The following SEPTIN7 variants were observed in gnomAD, a reference collection of about 807,000 sequenced individuals.
SEPTIN7 encodes the protein septin-7.
In SEPTIN7, 10 loss-of-function variants were observed where a neutral mutation model predicts 63.3. The ratio of observed to expected loss-of-function variants is 0.16; its 90% confidence interval spans 0.10 to 0.27. SEPTIN7 has a LOEUF of 0.27. SEPTIN7 is among the 10% of genes least tolerant of loss of function. SEPTIN7 has a pLI of 1.00. For synonymous variants in SEPTIN7, 131 were observed against 165.3 expected (o/e 0.79, Z 1.59); for missense variants, 310 against 521.0 (o/e 0.59, Z 3.94).
chr7:35,861,357 C>A (rs1583579511), intron 3 of SEPTIN7, among the ~76,000 whole-genome samples: 1 of 152,224 alleles, frequency 6.6e-6, no homozygotes, highest in East Asian at 1.9e-4. Context: ...TTGTTGCATG[C>A]CTTGTGATGT....
intron 1 of SEPTIN7, among the ~76,000 whole-genome samples, chr7:35,829,445 A>G (rs1440368815): frequency 1.3e-5 from 2 of 151,942 alleles, no homozygotes; most frequent in African/African-American, 2.4e-5. Context: ...TTTAGGGCCT[A>G]CCCCTTTGCC....
At chr7:35,897,154 A>G (rs1480269366) in intron 11 of SEPTIN7, among the ~76,000 whole-genome samples, 1 of 152,182 alleles carries the variant, frequency 6.6e-6, no homozygotes, top group Admixed American at 6.5e-5. Context: ...TTTTTTAAAA[A>G]AAATTAGCGT....
intron 3 of SEPTIN7, among the ~76,000 whole-genome samples, chr7:35,862,625 C>T (rs764351092): frequency 2.0e-5 from 3 of 151,980 alleles, no homozygotes; most frequent in African/African-American, 4.8e-5. Context: ...GCCCAGACCA[C>T]GTGGAAAGGA....
chr7:35,884,454 C>G (rs1171530474), intron 9 of SEPTIN7, among the ~76,000 whole-genome samples: 1 of 152,148 alleles, frequency 6.6e-6, no homozygotes. Context: ...CTTGCCCCAC[C>G]CTGGCTGGCA....
intron 13 of SEPTIN7, among the ~76,000 whole-genome samples, 187 bp from the exon 14 acceptor site, chr7:35,904,067 A>C (rs1006374191): frequency 1.3e-5 from 2 of 152,158 alleles, no homozygotes; most frequent in African/African-American, 4.8e-5. Flanking sequence ...TTGATTGTCT[A>C]AGAAAATGCT....
At chr7:35,829,236 TTCAGGCCATTC>T (rs1237043153) in intron 1 of SEPTIN7, among the ~76,000 whole-genome samples, 4 of 145,634 alleles carry the variant, frequency 2.7e-5, no homozygotes, top group Admixed American at 7.1e-5. Flanking sequence ...CCTAGGCAGG[TTCAGGCCATTC>T]TCCTGCCTCA....
chr7:35,893,415 CAT>C (rs1787767608), intron 11 of SEPTIN7, among the ~76,000 whole-genome samples: 1 of 152,130 alleles, frequency 6.6e-6, no homozygotes, highest in Admixed American at 6.5e-5. Flanking sequence ...AGATGTTAGA[CAT>C]TGAATAGTAA....
intron 7 of SEPTIN7, among the ~76,000 whole-genome samples, chr7:35,880,817 A>G (rs945020333): frequency 2.0e-5 from 3 of 151,906 alleles, no homozygotes; most frequent in Non-Finnish European, 2.9e-5. Context: ...GTTTTTCTAG[A>G]CTCACGTCTA....
At chr7:35,875,039 A>G (rs1399475854) in intron 6 of SEPTIN7, among the ~76,000 whole-genome samples, 1 of 152,174 alleles carries the variant, frequency 6.6e-6, no homozygotes, top group Non-Finnish European at 1.5e-5. Context: ...TTGTCAGCTT[A>G]TAACCAATTT....
At chr7:35,863,321 A>G (rs1169030037) in intron 3 of SEPTIN7, among the ~76,000 whole-genome samples, 1 of 152,184 alleles carries the variant, frequency 6.6e-6, no homozygotes, top group Non-Finnish European at 1.5e-5. Context: ...TTTAATGAAT[A>G]TAAGTGGTAT....
rs550926460 is a variant in SEPTIN7, at chr7:35,905,665, G to C, written c.*1372G>C. 1 of 152,224 alleles carries C rather than the reference G, an allele frequency of 6.6e-6. No individual in the cohort carries two copies. The highest frequency in any genetic ancestry group is 2.1e-4 in the South Asian group (1 of 4,814). 9.4% of individuals were successfully genotyped at this position (152,224 alleles called of 1,614,324 possible). On this transcript the variant is annotated 3_prime_UTR_variant, in exon 14 of 14. Transcript: ENST00000350320. ...CCCCTGAGTATCTGGGATTGCAGGC[G>C]TGCACCACCACGCCTGGCTAATTTT...
chr7:35,871,139 T>G (rs1786120257), intron 4 of SEPTIN7, among the ~76,000 whole-genome samples: 1 of 152,222 alleles, frequency 6.6e-6, no homozygotes, highest in South Asian at 2.1e-4. Context: ...TAAATATCTT[T>G]TGGATCTGCA....
At chr7:35,848,042 C>T (rs1242939682) in intron 3 of SEPTIN7, 2 of 152,166 alleles carry the variant, frequency 1.3e-5, no homozygotes, top group Non-Finnish European at 2.9e-5. Flanking sequence ...TTCTCCTTTA[C>T]TTACACTCCA....
At position 35,890,773 on chromosome 7, in the gene SEPTIN7, G is replaced by C; in HGVS notation, c.978G>C (p.Lys326Asn). The change falls in exon 11 of 14, where the codon AAG becomes AAC. Residue 326 changes from lysine to asparagine, a missense_variant. Coordinates refer to ENST00000350320, the MANE Select transcript of SEPTIN7 (RefSeq NM_001788.6). The part of the protein sequence containing the change: ...AVTYNGVDNN[K>N]NKGQLTKSPL... ...CTTATAATGGAGTTGATAACAACAA[G>C]AATAAAGGGCAGCTGACTAAGTAAG... 6.3e-7 allele frequency: 1 copy of C among 1,585,342 alleles called. No homozygotes were observed. The highest frequency in any genetic ancestry group is 8.5e-7 in the Non-Finnish European group (1 of 1,169,882).
chr7:35,828,996 TA>T (rs1783664942), intron 1 of SEPTIN7, among the ~76,000 whole-genome samples: 1 of 152,136 alleles, frequency 6.6e-6, no homozygotes, highest in Non-Finnish European at 1.5e-5. Context: ...CTATCATGCC[TA>T]AAATAACATC....
the SEPTIN7 span, among the ~76,000 whole-genome samples, chr7:35,912,291 T>G: frequency 1.3e-5 from 2 of 152,206 alleles, no homozygotes; most frequent in East Asian, 3.9e-4. Flanking sequence ...AGAAAACCAC[T>G]TAAAGGCATT....
chr7:35,830,836 T>A (rs1323952141), intron 1 of SEPTIN7, among the ~76,000 whole-genome samples: 1 of 152,198 alleles, frequency 6.6e-6, no homozygotes, highest in Non-Finnish European at 1.5e-5. Context: ...TTCACATATG[T>A]CTCCTCTTTC....
intron 4 of SEPTIN7, among the ~76,000 whole-genome samples, chr7:35,870,284 A>AT (rs551249319): frequency 1.8e-4 from 28 of 152,218 alleles, no homozygotes; most frequent in African/African-American, 5.8e-4. Context: ...TGTTGAACTG[A>AT]TTTTTTTTAA....
intron 1 of SEPTIN7, among the ~76,000 whole-genome samples, chr7:35,811,790 G>A (rs369238339): frequency 6.6e-6 from 1 of 152,136 alleles, no homozygotes; most frequent in Non-Finnish European, 1.5e-5. Flanking sequence ...TCGGGAGGCC[G>A]AGGCGGGTGG....
Sources: allele counts gnomAD v4.1 joint callset (sites outside exome capture counted in the v4.1 genomes callset), GRCh38; gene constraint gnomAD v4.1.1; transcripts MANE v1.5; gene names NCBI Gene and HGNC (gene_info 2026-07-23, HGNC 2026-07-21).